MYOM1: variants seen among roughly 807,000 people sequenced by gnomAD.
The protein encoded by MYOM1 is myomesin 1.
A neutral mutation model predicts 205.3 loss-of-function variants in MYOM1; 164 were observed. That is an observed-to-expected ratio of 0.80 (90% CI 0.70 to 0.91). The LOEUF (loss-of-function observed/expected upper bound fraction) is 0.91. MYOM1 is among the 40% of genes least tolerant of loss of function. The probability of loss-of-function intolerance (pLI) is 0.00; values close to 1 mark genes in which losing one functional copy is unlikely to be tolerated. For synonymous variants in MYOM1, 772 were observed against 789.4 expected (o/e 0.98, Z 0.37); for missense variants, 2,011 against 2,127.3 (o/e 0.95, Z 1.08).
At chr18:3,234,501 C>G in the MYOM1 span, among the ~76,000 whole-genome samples, 1 of 152,100 alleles carries the variant, frequency 6.6e-6, no homozygotes, top group Non-Finnish European at 1.5e-5. Flanking sequence ...TTATCCACCT[C>G]AGGAATTATA....
In MYOM1 at chr18:3,151,473, T is replaced by TAAATAAAATA. The variant is rs71159050; in HGVS notation, c.1843+211_1843+220dup. Among the ~76,000 whole-genome samples, 603 of 143,984 alleles carry TAAATAAAATA rather than the reference T, an allele frequency of 4.2e-3. 3 individuals are homozygous for TAAATAAAATA. The highest frequency in any genetic ancestry group is 9.2e-3 in the South Asian group (43 of 4,668). 94.5% of individuals were successfully genotyped at this position (143,984 alleles called of 152,430 possible). On this transcript the variant is annotated intron_variant, in intron 12 of 37. Transcript: ENST00000356443. Reference sequence around the variant, plus strand: ...TATAAAATAATAAAATAAAATAAAATAAATAAAATAAAATAAAATAAAATA... The same window carrying TAAATAAAATA: ...TATAAAATAATAAAATAAAATAAAATAAATAAAATAAAATAAAATAAAATAAAATAAAATA...
rs2080866568 is a variant in MYOM1, at chr18:3,188,994, C to T, written c.525G>A (p.Glu175=). ...YIAQRNLLAS[E]EGITTSKQST... ...ACTGTTTAGATGTTGTGATTCCTTC[C>T]TCACTAGCAAGAAGATTCCTCTGGG... The change falls in exon 4 of 38, where the codon GAG becomes GAA. Residue 175 remains glutamate (E), a synonymous_variant. Coordinates refer to ENST00000356443, the MANE Select transcript of MYOM1 (RefSeq NM_003803.4). 1.2e-6 allele frequency: 2 copies of T among 1,613,488 alleles called. No homozygotes were observed. Among genetic ancestry groups the T allele is most frequent in the African/African-American group, 1.3e-5 (1 of 74,872 alleles).
chr18:3,188,676 C>T (rs998335342), intron 4 of MYOM1, 72 bp downstream of exon 4: 2 of 1,329,790 alleles, frequency 1.5e-6, no homozygotes, highest in African/African-American at 1.5e-5. Context: ...TACACACACA[C>T]ACACACACAC....
At chr18:3,139,515 G>A (rs2080019672) in intron 14 of MYOM1, among the ~76,000 whole-genome samples, 1 of 152,142 alleles carries the variant, frequency 6.6e-6, no homozygotes. Context: ...CTGGGTGCAG[G>A]GCATCCTGGA....
intron 10 of MYOM1, among the ~76,000 whole-genome samples, chr18:3,158,313 C>T (rs10468734): frequency 0.025 from 3,795 of 152,206 alleles, 112 homozygotes; most frequent in African/African-American, 0.075. Context: ...GGTATGTCAT[C>T]GTTTCATGGA....
At chr18:3,080,340 CT>C (rs2143664867) in intron 33 of MYOM1, among the ~76,000 whole-genome samples, 1 of 151,928 alleles carries the variant, frequency 6.6e-6, no homozygotes, top group Non-Finnish European at 1.5e-5. Flanking sequence ...TGTCTTACGT[CT>C]GTTGTAATAA....
the MYOM1 span, among the ~76,000 whole-genome samples, chr18:3,229,214 T>C: frequency 6.6e-6 from 1 of 152,242 alleles, no homozygotes; most frequent in African/African-American, 2.4e-5. Flanking sequence ...AGAGTGGGAT[T>C]GGAAGAGTGG....
intron 5 of MYOM1, among the ~76,000 whole-genome samples, chr18:3,185,055 G>C (rs1272990476): frequency 2.6e-5 from 4 of 152,222 alleles, no homozygotes. Context: ...GGAATTTGAA[G>C]GGTTGACAGT....
intron 6 of MYOM1, among the ~76,000 whole-genome samples, chr18:3,175,526 T>A (rs1567950811): frequency 6.6e-6 from 1 of 152,186 alleles, no homozygotes; most frequent in African/African-American, 2.4e-5. Context: ...CTGCTTCACA[T>A]ACACAGATTG....
chr18:3,198,496 A>T (rs1204501984), intron 2 of MYOM1, among the ~76,000 whole-genome samples: 1 of 152,206 alleles, frequency 6.6e-6, no homozygotes, highest in Non-Finnish European at 1.5e-5. Context: ...AGTGAAATAA[A>T]GATTTATGGC....
At chr18:3,204,421 C>T (rs1464573464) in intron 2 of MYOM1, among the ~76,000 whole-genome samples, 3 of 151,882 alleles carry the variant, frequency 2.0e-5, no homozygotes, top group African/African-American at 7.2e-5. Flanking sequence ...AATTATATTT[C>T]CATATACTAG....
Position 3,149,133 on chromosome 18 carries a change from C to G in MYOM1, c.1900+12G>C. Reference sequence around the variant, plus strand: ...CATCAGCAATAGTATCTGGGGCAACCAGACTTCTTACCTGAAGGTTCCTCT... The same window carrying G: ...CATCAGCAATAGTATCTGGGGCAACGAGACTTCTTACCTGAAGGTTCCTCT... On this transcript the variant is annotated intron_variant, in intron 13 of 37. Coordinates refer to ENST00000356443, the MANE Select transcript of MYOM1 (RefSeq NM_003803.4). 1 of 1,613,606 alleles carries G rather than the reference C, an allele frequency of 6.2e-7. No individual in the cohort carries two copies. Among genetic ancestry groups the G allele is most frequent in the Non-Finnish European group, 8.5e-7 (1 of 1,179,580 alleles).
intron 27 of MYOM1, among the ~76,000 whole-genome samples, chr18:3,090,151 G>A (rs768504963): frequency 6.6e-6 from 1 of 150,646 alleles, no homozygotes; most frequent in Non-Finnish European, 1.5e-5. Context: ...TAAATTTGGT[G>A]TTCCTTTAAA....
intron 19 of MYOM1, 85 bp downstream of exon 19, chr18:3,126,616 A>C: frequency 8.2e-7 from 1 of 1,217,472 alleles, no homozygotes; most frequent in South Asian, 1.7e-5. Flanking sequence ...ACTCTCTTAC[A>C]AGGTGCTGGG....
In MYOM1 at chr18:3,129,478, C is replaced by T; in HGVS notation, c.2548G>A (p.Glu850Lys). The change falls in exon 18 of 38, where the codon GAG (glutamate) becomes AAG (lysine). Residue 850 changes from glutamate to lysine, a missense_variant. By Grantham distance (56) the Glu-to-Lys change is moderately conservative. Transcript: ENST00000356443. ...CTGGAGGCGGTTAGTCCACCAGGCT[C>T]ATCGCTCAGTGCGGGACACACATCT... The part of the protein sequence containing the change: ...SPDVCPALSD[E>K]PGGLTASRGR... 2 of 1,613,908 alleles carry T rather than the reference C, an allele frequency of 1.2e-6. No individual in the cohort carries two copies. The highest frequency in any genetic ancestry group is 1.7e-6 in the Non-Finnish European group (2 of 1,179,850).
chr18:3,180,728 T>C (rs2080717419), intron 5 of MYOM1, among the ~76,000 whole-genome samples: 1 of 152,200 alleles, frequency 6.6e-6, no homozygotes. Context: ...GCTTTCAGTA[T>C]ACTATAAGTT....
chr18:3,241,544 C>T, the MYOM1 span, among the ~76,000 whole-genome samples: 1 of 152,220 alleles, frequency 6.6e-6, no homozygotes, highest in Admixed American at 6.5e-5. Flanking sequence ...GATGCCCAAG[C>T]AGAAGTTTGC....
At chr18:3,088,095 A>T (rs990860845) in intron 29 of MYOM1, among the ~76,000 whole-genome samples, 1 of 152,184 alleles carries the variant, frequency 6.6e-6, no homozygotes. Flanking sequence ...GAATATTCAC[A>T]ATCCATTTCC....
intron 19 of MYOM1, among the ~76,000 whole-genome samples, chr18:3,122,802 G>A (rs1430746353): frequency 6.6e-6 from 1 of 152,062 alleles, no homozygotes; most frequent in Non-Finnish European, 1.5e-5. Context: ...CTTCTCAATA[G>A]ACCCCAAAAA....
Sources: allele counts gnomAD v4.1 joint callset (sites outside exome capture counted in the v4.1 genomes callset), GRCh38; gene constraint gnomAD v4.1.1; transcripts MANE v1.5; gene names NCBI Gene and HGNC (gene_info 2026-07-23, HGNC 2026-07-21).